The following TTC23 variants were observed in gnomAD, a reference collection of about 807,000 sequenced individuals.
TTC23 encodes the protein tetratricopeptide repeat domain 23.
TTC23 carries 58 observed loss-of-function variants against 55.1 expected under a neutral mutation model. That is an observed-to-expected ratio of 1.05 (90% CI 0.85 to 1.31). The LOEUF (loss-of-function observed/expected upper bound fraction) is 1.31, where lower values mean the gene tolerates loss of function less well. Among genes scored for constraint, TTC23 ranks in the 50% most tolerant of loss-of-function variants. TTC23 has a pLI of 0.00. For missense variants in TTC23, 516 were observed against 534.4 expected (o/e 0.97, Z 0.34); for synonymous variants, 203 against 199.9 (o/e 1.02, Z -0.13).
At chr15:99,178,819 C>G (rs971505353) in intron 9 of TTC23, among the ~76,000 whole-genome samples, 4 of 152,096 alleles carry the variant, frequency 2.6e-5, no homozygotes, top group African/African-American at 9.7e-5. Flanking sequence ...TAAAATGATC[C>G]CTGGCATGGA....
chr15:99,181,349 T>C (rs948266525), intron 9 of TTC23, among the ~76,000 whole-genome samples: 6 of 152,162 alleles, frequency 3.9e-5, no homozygotes, highest in Admixed American at 3.9e-4. Context: ...TGCTAACATG[T>C]GGATGCCTGA....
chr15:99,238,703 C>T (rs916039985), intron 3 of TTC23, among the ~76,000 whole-genome samples: 6 of 152,150 alleles, frequency 3.9e-5, no homozygotes, highest in South Asian at 4.1e-4. Context: ...AAGACATTAA[C>T]GTACATGCCA....
At chr15:99,209,273 G>A (rs2076855909) in intron 8 of TTC23, among the ~76,000 whole-genome samples, 1 of 152,168 alleles carries the variant, frequency 6.6e-6, no homozygotes, top group Non-Finnish European at 1.5e-5. Flanking sequence ...TAAAGGAAAG[G>A]CTTTGTGTGA....
At chr15:99,150,231 G>A (rs1360938863) in intron 12 of TTC23, among the ~76,000 whole-genome samples, 1 of 152,198 alleles carries the variant, frequency 6.6e-6, no homozygotes, top group African/African-American at 2.4e-5. Context: ...CTGTGGGATG[G>A]AAGGAGGACA....
chr15:99,241,218 G>C (rs767246441), intron 3 of TTC23, 147 bp downstream of exon 3: 2 of 152,640 alleles, frequency 1.3e-5, no homozygotes, highest in Non-Finnish European at 2.9e-5. Flanking sequence ...CGGAGGCTGA[G>C]GCACAAGAAT....
Position 99,153,785 on chromosome 15 carries a change from G to A in TTC23, c.1143+2363C>T, listed in dbSNP as rs372463027. 5.3e-5 allele frequency among the ~76,000 whole-genome samples: 8 copies of A among 152,142 alleles called. No homozygotes were observed. In the East Asian group the frequency reaches 9.6e-4, roughly 18 times the overall value. ...TAAAATCAGAAATTAAGGAAGTAGA[G>A]AATAGGATTTATGGGATTAAAGTCC... On this transcript the variant is annotated intron_variant, in intron 12 of 13. Coordinates refer to ENST00000394132, the MANE Select transcript of TTC23 (RefSeq NM_001288615.3).
chr15:99,238,492 G>T (rs1415140649), intron 3 of TTC23, among the ~76,000 whole-genome samples: 1 of 152,162 alleles, frequency 6.6e-6, no homozygotes, highest in Non-Finnish European at 1.5e-5. Context: ...CAATGACCTT[G>T]CTTGTTTGGC....
At chr15:99,218,812 C>T (rs1043853120) in intron 7 of TTC23, 86 bp downstream of exon 7, 1 of 1,594,680 alleles carries the variant, frequency 6.3e-7, no homozygotes, top group Non-Finnish European at 8.6e-7. Flanking sequence ...CTTCCTAAGT[C>T]ATCCATCAGC....
In TTC23 at chr15:99,222,668, G is replaced by A. The variant is rs1297663977; in HGVS notation, c.181-804C>T. On this transcript the variant is annotated intron_variant, in intron 5 of 13. Coordinates refer to ENST00000394132, the MANE Select transcript of TTC23 (RefSeq NM_001288615.3). ...ATTCCCAGCTCCAGGTGATCTCAGA[G>A]CAGCCATATCCTCAAAGCAGAGCTG... Among the ~76,000 whole-genome samples, 4 of 152,272 alleles carry A rather than the reference G, an allele frequency of 2.6e-5. No homozygotes were observed. The East Asian group carries it at 7.7e-4, about 29-fold the overall frequency.
intron 8 of TTC23, among the ~76,000 whole-genome samples, chr15:99,204,403 G>C (rs2076438158): frequency 6.6e-6 from 1 of 152,032 alleles, no homozygotes; most frequent in Non-Finnish European, 1.5e-5. Flanking sequence ...CAGATGGGTA[G>C]TTTGCAAATA....
At chr15:99,196,883 C>G (rs755321321) in intron 9 of TTC23, among the ~76,000 whole-genome samples, 1 of 152,152 alleles carries the variant, frequency 6.6e-6, no homozygotes, top group Non-Finnish European at 1.5e-5. Context: ...CTAAAAGATA[C>G]CCATCTACTG....
intron 6 of TTC23, among the ~76,000 whole-genome samples, chr15:99,221,402 T>C (rs1339827988): frequency 6.6e-6 from 1 of 152,228 alleles, no homozygotes; most frequent in Non-Finnish European, 1.5e-5. Flanking sequence ...AAAGTGTGAA[T>C]GGATCCCATT....
chr15:99,167,044 C>T (rs1195870975), intron 10 of TTC23, among the ~76,000 whole-genome samples: 4 of 152,134 alleles, frequency 2.6e-5, no homozygotes, highest in African/African-American at 4.8e-5. Flanking sequence ...AGAACTAAAT[C>T]CACATGAGCA....
intron 10 of TTC23, among the ~76,000 whole-genome samples, chr15:99,170,031 G>T (rs2072698971): frequency 6.6e-6 from 1 of 152,160 alleles, no homozygotes; most frequent in Non-Finnish European, 1.5e-5. Flanking sequence ...ATATTCTTTA[G>T]GAGATGAGTT....
At chr15:99,190,217 C>A (rs1210207349) in intron 9 of TTC23, among the ~76,000 whole-genome samples, 1 of 147,804 alleles carries the variant, frequency 6.8e-6, no homozygotes, top group African/African-American at 2.5e-5. Context: ...AAATTCCTGG[C>A]TTTGATAGCT....
chr15:99,236,467 CTTTT>C (rs869228713), intron 3 of TTC23, among the ~76,000 whole-genome samples: 1 of 140,712 alleles, frequency 7.1e-6, no homozygotes. Flanking sequence ...CCTTTTCTCA[CTTTT>C]TTTTTTTTTT....
chr15:99,196,585 C>A (rs1228388208), intron 9 of TTC23, among the ~76,000 whole-genome samples: 3 of 152,122 alleles, frequency 2.0e-5, no homozygotes, highest in Non-Finnish European at 4.4e-5. Context: ...TGTGCACAAC[C>A]CCCAGGCCTG....
intron 13 of TTC23, 78 bp downstream of exon 13, chr15:99,139,239 C>T: frequency 6.4e-7 from 1 of 1,556,358 alleles, no homozygotes; most frequent in South Asian, 1.2e-5. Context: ...TACACAGAAC[C>T]TTCTAGAACC....
At chr15:99,206,489 T>C (rs1173779061) in intron 8 of TTC23, among the ~76,000 whole-genome samples, 1 of 152,196 alleles carries the variant, frequency 6.6e-6, no homozygotes, top group African/African-American at 2.4e-5. Context: ...ATCTTGTTAC[T>C]TATTGGTTTA....
Sources: gnomAD v4.1 joint callset for allele counts (sites outside exome capture counted in the v4.1 genomes callset) on GRCh38, gnomAD v4.1.1 for gene constraint, MANE v1.5 for transcripts, NCBI Gene and HGNC (gene_info 2026-07-23, HGNC 2026-07-21) for gene names.